The following AOPEP variants were observed in gnomAD, a reference collection of about 807,000 sequenced individuals.
AOPEP encodes the protein aminopeptidase O (putative), also known as aminopeptidase O.
A neutral mutation model predicts 98.1 loss-of-function variants in AOPEP; 77 were observed. That is an observed-to-expected ratio of 0.78 (90% CI 0.65 to 0.95). The LOEUF (loss-of-function observed/expected upper bound fraction) is 0.95, where lower values mean the gene tolerates loss of function less well. Ranked by LOEUF, AOPEP falls within the 40% of genes least tolerant of loss-of-function variation. The pLI, the probability that AOPEP is intolerant of heterozygous loss-of-function variation, is 0.00. For missense variants in AOPEP, 1,024 were observed against 1,024.7 expected (o/e 1.00, Z 0.01); for synonymous variants, 346 against 365.3 (o/e 0.95, Z 0.60).
rs73657025 is a variant in AOPEP at position 94,998,754 on chromosome 9, T to C, written c.1978-6404T>C. Among the ~76,000 whole-genome samples, 475 of 152,318 alleles carry C rather than the reference T, an allele frequency of 3.1e-3. 1 individual carries two copies. The highest frequency in any genetic ancestry group is 0.011 in the African/African-American group (461 of 41,560). ...TTTGCATTCACGAAATCTAGTGCTC[T>C]GTTTCACAGTAGGCATTTAATATGT... is the stretch of plus-strand genomic sequence containing the variant. On this transcript the variant is annotated intron_variant, in intron 11 of 16. Coordinates refer to ENST00000375315, the MANE Select transcript of AOPEP (RefSeq NM_001193329.3).
At chr9:95,084,949 G>A (rs1221484279) in intron 16 of AOPEP, among the ~76,000 whole-genome samples, 4 of 152,224 alleles carry the variant, frequency 2.6e-5, no homozygotes, top group Admixed American at 2.0e-4. Flanking sequence ...CTAATAGCAA[G>A]GACAGCTGCC....
intron 5 of AOPEP, among the ~76,000 whole-genome samples, chr9:94,847,518 C>T (rs2043014615): frequency 1.3e-5 from 2 of 152,206 alleles, no homozygotes; most frequent in South Asian, 2.1e-4. Flanking sequence ...ACGTTGTTAA[C>T]ACGTACTTTT....
chr9:94,748,653 G>A (rs1998924), intron 1 of AOPEP, among the ~76,000 whole-genome samples: 4,115 of 152,182 alleles, frequency 0.027, 180 homozygotes, highest in African/African-American at 0.094. Flanking sequence ...ATACCACATT[G>A]CATTTTATCA....
In AOPEP at chr9:94,739,511, G is replaced by T. The variant is rs577039668; in HGVS notation, c.-136+12760G>T. ...AATACAAAAATTAGCCAGGCGTGGT[G>T]GCAGGCGCCTGTAATCCCAGCTACT... On this transcript the variant is annotated intron_variant, in intron 1 of 16. Coordinates refer to ENST00000375315, the MANE Select transcript of AOPEP (RefSeq NM_001193329.3). Among the ~76,000 whole-genome samples, 18 of 152,226 alleles carry T rather than the reference G, an allele frequency of 1.2e-4. No individual in the cohort carries two copies. The East Asian group carries it at 3.3e-3, about 28-fold the overall frequency.
chr9:94,775,817 A>G (rs1450522058), intron 3 of AOPEP, among the ~76,000 whole-genome samples: 5 of 151,970 alleles, frequency 3.3e-5, no homozygotes, highest in Non-Finnish European at 2.9e-5. Flanking sequence ...TACTAAAAAT[A>G]TAAACAAACA....
At chr9:94,807,639 T>C (rs1044554442) in intron 5 of AOPEP, among the ~76,000 whole-genome samples, 9 of 152,204 alleles carry the variant, frequency 5.9e-5, no homozygotes, top group Non-Finnish European at 1.2e-4. Context: ...GAATAGAACA[T>C]ACACACTCCC....
At position 94,972,019 on chromosome 9, in the gene AOPEP, A is replaced by G. The variant is rs1023534750; in HGVS notation, c.1916+4218A>G. ...TGTGGCCGAGGGCAGTGTGGCAGAGAGATGGGGGCGGAGAGGACTGGAAGC... is the reference window on the plus strand; with the variant it reads ...TGTGGCCGAGGGCAGTGTGGCAGAGGGATGGGGGCGGAGAGGACTGGAAGC... On this transcript the variant is annotated intron_variant, in intron 10 of 16. Transcript: ENST00000375315. The surrounding 1 kb of genome is among the most constrained non-coding windows in gnomAD (Gnocchi z 4.2). 2.0e-5 allele frequency among the ~76,000 whole-genome samples: 3 copies of G among 152,076 alleles called. No individual in the cohort carries two copies. Among genetic ancestry groups the G allele is most frequent in the African/African-American group, 7.2e-5 (3 of 41,380 alleles).
chr9:94,760,025 A>T lies in AOPEP; in HGVS notation c.242A>T (p.His81Leu). Residue 81 changes from histidine to leucine, a missense_variant, in exon 2 of 17, where the codon CAT (histidine) becomes CTT (leucine). By Grantham distance (99) the His-to-Leu change is moderately conservative. This residue lies in a region of AOPEP where 440 missense variants were observed against 433.8 expected (regional missense o/e 1.01). Coordinates refer to ENST00000375315, the MANE Select transcript of AOPEP (RefSeq NM_001193329.3). ...AAATTTGGGATGCCTGAACCCTGCC[A>T]TATTCCCGTGACAAATGCAAGGACC... ...ACKFGMPEPCHIPVTNARTFS... is the reference protein window; with the variant it reads ...ACKFGMPEPCLIPVTNARTFS... 1 of 1,614,246 alleles carries T rather than the reference A, an allele frequency of 6.2e-7. No homozygotes were observed. Among genetic ancestry groups the T allele is most frequent in the South Asian group, 1.1e-5 (1 of 91,084 alleles).
At chr9:94,860,680 C>T (rs1032271853) in intron 5 of AOPEP, among the ~76,000 whole-genome samples, 7 of 152,034 alleles carry the variant, frequency 4.6e-5, no homozygotes, top group African/African-American at 1.5e-4. Flanking sequence ...GGGTGACTCC[C>T]GAGTTTCTGG....
Position 94,956,018 on chromosome 9 carries a change from A to G in AOPEP, c.1872+3A>G. On this transcript the variant is annotated splice_donor_region_variant and intron_variant, in intron 9 of 16. Transcript: ENST00000375315. Reference sequence around the variant, plus strand: ...ATGGACAGCTGATTCTTTCCCAGGTAACTTATGGGTCCTCATGAGTCCATG... The same window carrying G: ...ATGGACAGCTGATTCTTTCCCAGGTGACTTATGGGTCCTCATGAGTCCATG... 1 of 1,580,130 alleles carries G rather than the reference A, an allele frequency of 6.3e-7. No homozygotes were observed. Among genetic ancestry groups the G allele is most frequent in the South Asian group, 1.1e-5 (1 of 90,254 alleles).
the AOPEP span, among the ~76,000 whole-genome samples, chr9:95,148,486 C>G: frequency 6.6e-6 from 1 of 152,258 alleles, no homozygotes; most frequent in Non-Finnish European, 1.5e-5. Flanking sequence ...GTGTTTGTAG[C>G]CCATGATAAA....
At chr9:95,131,743 A>C in the AOPEP span, among the ~76,000 whole-genome samples, 4 of 152,184 alleles carry the variant, frequency 2.6e-5, no homozygotes, top group East Asian at 3.9e-4. Flanking sequence ...TGTTAGTGAA[A>C]AGCTACTTAA....
intron 5 of AOPEP, among the ~76,000 whole-genome samples, chr9:94,869,311 C>G (rs1054229988): frequency 6.6e-6 from 1 of 152,156 alleles, no homozygotes; most frequent in East Asian, 1.9e-4. Context: ...GTGGCAATAG[C>G]CTTTGTGTCC....
the AOPEP span, chr9:95,114,639 GGT>G: frequency 6.2e-7 from 1 of 1,613,912 alleles, no homozygotes; most frequent in Non-Finnish European, 8.5e-7. Context: ...CCATGAGTCT[GGT>G]CTTCAACTGC....
At chr9:95,111,483 G>T in the AOPEP span, 1 of 1,613,630 alleles carries the variant, frequency 6.2e-7, no homozygotes, top group South Asian at 1.1e-5. Flanking sequence ...GCTCTCTGCT[G>T]CCTCCCATCA....
chr9:94,914,068 A>G (rs987985367), intron 5 of AOPEP, among the ~76,000 whole-genome samples: 2 of 152,232 alleles, frequency 1.3e-5, no homozygotes, highest in Non-Finnish European at 2.9e-5. Flanking sequence ...AACAGCTTAA[A>G]TCCTAATGCT....
At chr9:94,946,205 C>T (rs1355673425) in intron 7 of AOPEP, among the ~76,000 whole-genome samples, 1 of 152,174 alleles carries the variant, frequency 6.6e-6, no homozygotes, top group Non-Finnish European at 1.5e-5. Context: ...ACACTTGATG[C>T]TGATTTAGCA....
At chr9:94,983,674 T>C (rs1336227940) in intron 11 of AOPEP, among the ~76,000 whole-genome samples, 2 of 152,178 alleles carry the variant, frequency 1.3e-5, no homozygotes, top group African/African-American at 4.8e-5. Context: ...TTTCCTGGCA[T>C]TCTGGAGATT....
At position 95,034,766 on chromosome 9, in the gene AOPEP, A is replaced by G. The variant is rs1435923241; in HGVS notation, c.2116-25928A>G. On this transcript the variant is annotated intron_variant, in intron 13 of 16. Transcript: ENST00000375315. ...CAGTCTTTGACTCAACATGAAGCAC[A>G]CTGAGATAAAGCGGATCCTGGTTTG... Among the ~76,000 whole-genome samples the G allele has an allele frequency of 4.6e-5, 7 of 152,188 alleles. 1 individual carries two copies. The highest frequency in any genetic ancestry group is 7.2e-5 in the African/African-American group (3 of 41,442).
Sources: gnomAD v4.1 joint callset for allele counts (sites outside exome capture counted in the v4.1 genomes callset) on GRCh38, gnomAD v4.1.1 for gene constraint, gnomAD v4.1.1 regional missense constraint, Gnocchi (gnomAD v3.1) non-coding constraint, MANE v1.5 for transcripts, NCBI Gene and HGNC (gene_info 2026-07-23, HGNC 2026-07-21) for gene names.